The following PPIL1 variants were observed in gnomAD, a reference collection of about 807,000 sequenced individuals.
PPIL1 encodes peptidyl-prolyl cis-trans isomerase-like 1.
In PPIL1, 14 loss-of-function variants were observed where a neutral mutation model predicts 19.4. That is an observed-to-expected ratio of 0.72 (90% CI 0.48 to 1.13). The LOEUF (loss-of-function observed/expected upper bound fraction) is 1.13, where lower values mean the gene tolerates loss of function less well. PPIL1 is among the 50% of genes most tolerant of loss of function. PPIL1 has a pLI of 0.00. For synonymous variants in PPIL1, 72 were observed against 73.6 expected, an observed-to-expected ratio of 0.98 and a Z score of 0.11; for missense variants, 192 against 218.0, an observed-to-expected ratio of 0.88 and a Z score of 0.75.
At chr6:36,865,094 C>T (rs1267863050) in intron 2 of PPIL1, among the ~76,000 whole-genome samples, 1 of 152,182 alleles carries the variant, frequency 6.6e-6, no homozygotes, top group Non-Finnish European at 1.5e-5. Context: ...AGGAGGTGCA[C>T]GTAACCACAC....
chr6:36,854,865 T>C lies in PPIL1; in HGVS notation c.*948A>G, dbSNP rs1774136423. ...AATGGCATTTTATTGTGGAAGTTTCTATGTATTACATAGGTATTAACTTCC... is the reference window on the plus strand; with the variant it reads ...AATGGCATTTTATTGTGGAAGTTTCCATGTATTACATAGGTATTAACTTCC... On this transcript the variant is annotated 3_prime_UTR_variant, in exon 4 of 4. Coordinates refer to ENST00000373699, the MANE Select transcript of PPIL1 (RefSeq NM_016059.5). 1 of 152,694 alleles carries C rather than the reference T, an allele frequency of 6.5e-6. No homozygotes were observed. Among genetic ancestry groups the C allele is most frequent in the South Asian group, 2.1e-4 (1 of 4,830 alleles). The allele number at this position is 152,694 out of a possible 1,614,324, so 9.5% of individuals were successfully genotyped here. A position where few individuals can be genotyped will look rare whatever the true frequency, so the allele number is the denominator to read the frequency against.
At chr6:36,858,885 G>A (rs1330835740) in intron 2 of PPIL1, among the ~76,000 whole-genome samples, 1 of 152,172 alleles carries the variant, frequency 6.6e-6, no homozygotes, top group African/African-American at 2.4e-5. Flanking sequence ...GGGGTTACCA[G>A]AGACTAGGGA....
chr6:36,872,186 C>G (rs1211480820), intron 1 of PPIL1, among the ~76,000 whole-genome samples: 3 of 151,384 alleles, frequency 2.0e-5, no homozygotes, highest in Admixed American at 6.6e-5. Context: ...TTATCTGAAA[C>G]CAATATAACC....
chr6:36,865,177 A>C (rs1057311534), intron 2 of PPIL1, among the ~76,000 whole-genome samples: 1 of 152,186 alleles, frequency 6.6e-6, no homozygotes, highest in African/African-American at 2.4e-5. Flanking sequence ...GTGAAGCACA[A>C]GGCAAGCCCA....
chr6:36,861,210 C>T (rs187660237), intron 2 of PPIL1, among the ~76,000 whole-genome samples: 91 of 152,184 alleles, frequency 6.0e-4, no homozygotes, highest in African/African-American at 2.2e-3. Flanking sequence ...TGCACCCCAC[C>T]CCGCAGCACT....
At chr6:36,859,424 C>CAA (rs36097489) in intron 2 of PPIL1, among the ~76,000 whole-genome samples, 1,123 of 72,046 alleles carry the variant, frequency 0.016, 23 homozygotes, top group African/African-American at 0.033. Context: ...GACCCTGTCT[C>CAA]AAAAAAAAAA....
At chr6:36,867,813 C>T (rs1486016317) in intron 2 of PPIL1, among the ~76,000 whole-genome samples, 4 of 152,314 alleles carry the variant, frequency 2.6e-5, no homozygotes, top group South Asian at 4.1e-4. Flanking sequence ...CCTCTTCAGG[C>T]TAGAATAGAA....
At chr6:36,866,798 C>T (rs1003779421) in intron 2 of PPIL1, among the ~76,000 whole-genome samples, 8 of 151,972 alleles carry the variant, frequency 5.3e-5, no homozygotes, top group Non-Finnish European at 1.2e-4. Context: ...CCGACGGAAC[C>T]CTTTCAGACA....
At chr6:36,870,887 G>A (rs1274393328) in intron 2 of PPIL1, among the ~76,000 whole-genome samples, 1 of 152,210 alleles carries the variant, frequency 6.6e-6, no homozygotes, top group African/African-American at 2.4e-5. Flanking sequence ...GGCTCCCAAA[G>A]TGCTGGGATT....
At chr6:36,865,895 C>T (rs1774385229) in intron 2 of PPIL1, among the ~76,000 whole-genome samples, 2 of 152,214 alleles carry the variant, frequency 1.3e-5, no homozygotes, top group African/African-American at 2.4e-5. Context: ...TTGGCAAATA[C>T]TCATCAAATG....
chr6:36,873,097 C>CT (rs1223583622), intron 1 of PPIL1, among the ~76,000 whole-genome samples: 1 of 152,204 alleles, frequency 6.6e-6, no homozygotes, highest in Non-Finnish European at 1.5e-5. Flanking sequence ...GTGTGGTACT[C>CT]TTTCCCTCAT....
Position 36,874,736 on chromosome 6 carries a change from TG to T in PPIL1, c.36del (p.Asn13ThrfsTer49). On this transcript the variant is annotated frameshift_variant, in exon 1 of 4. Coordinates refer to ENST00000373699, the MANE Select transcript of PPIL1 (RefSeq NM_016059.5). LOFTEE classifies it high-confidence loss of function. ...CCTCACCTGGTCTCCAAGTAAACGT[TG>T]GGTGGCTGCCAGGAATCTGGGGGAA... ...AAIPPDSWQPPNVYLETSMGI... is the reference protein window; with the variant it reads ...AAIPPDSWQPXNVYLETSMGI... 1 of 1,614,092 alleles carries T rather than the reference TG, an allele frequency of 6.2e-7. No individual in the cohort carries two copies. The highest frequency in any genetic ancestry group is 8.5e-7 in the Non-Finnish European group (1 of 1,179,954).
At chr6:36,858,131 G>C (rs1001053334) in intron 2 of PPIL1, among the ~76,000 whole-genome samples, 1 of 150,914 alleles carries the variant, frequency 6.6e-6, no homozygotes, top group South Asian at 2.1e-4. Context: ...CTACTTGGGA[G>C]GCTGAGGCAG....
intron 2 of PPIL1, among the ~76,000 whole-genome samples, chr6:36,860,317 G>A (rs187165408): frequency 1.6e-3 from 247 of 152,150 alleles, no homozygotes; most frequent in African/African-American, 5.4e-3. Flanking sequence ...TTAGCCAGGC[G>A]TGGTTGTGCG....
rs1292280348 is a variant in PPIL1, at chr6:36,855,729, T to A, written c.*84A>T. 3.6e-6 allele frequency: 5 copies of A among 1,377,976 alleles called. No homozygotes were observed. The African/African-American group carries it at 7.2e-5, about 20-fold the overall frequency. The allele number at this position is 1,377,976 out of a possible 1,614,324, so 85.4% of individuals were successfully genotyped here. A position where few individuals can be genotyped will look rare whatever the true frequency, so the allele number is the denominator to read the frequency against. ...TCATGACTTGCAAAGCCAAAATGAA[T>A]TTAGCATTACATGTCATTCTATGTC... On this transcript the variant is annotated 3_prime_UTR_variant, in exon 4 of 4. Coordinates refer to ENST00000373699, the MANE Select transcript of PPIL1 (RefSeq NM_016059.5).
At chr6:36,861,336 A>G (rs1774283659) in intron 2 of PPIL1, among the ~76,000 whole-genome samples, 1 of 152,112 alleles carries the variant, frequency 6.6e-6, no homozygotes, top group Non-Finnish European at 1.5e-5. Flanking sequence ...TGGCTTATTT[A>G]GCTTGTCCCC....
intron 1 of PPIL1, among the ~76,000 whole-genome samples, chr6:36,873,265 T>C (rs1408416760): frequency 6.6e-6 from 1 of 152,118 alleles, no homozygotes; most frequent in Non-Finnish European, 1.5e-5. Flanking sequence ...AAGGATACAA[T>C]ATGTGCAAGG....
chr6:36,865,538 C>T (rs1399905929), intron 2 of PPIL1, among the ~76,000 whole-genome samples: 1 of 152,180 alleles, frequency 6.6e-6, no homozygotes, highest in African/African-American at 2.4e-5. Flanking sequence ...CCTACCCCTG[C>T]ATGCCTCTGT....
intron 2 of PPIL1, among the ~76,000 whole-genome samples, chr6:36,865,509 G>A (rs997377181): frequency 6.6e-6 from 1 of 152,134 alleles, no homozygotes; most frequent in African/African-American, 2.4e-5. Context: ...ATGTGACACC[G>A]GGGGTGGCGG....
Sources: gnomAD v4.1 joint callset for allele counts (sites outside exome capture counted in the v4.1 genomes callset) on GRCh38, gnomAD v4.1.1 for gene constraint, MANE v1.5 for transcripts, NCBI Gene and HGNC (gene_info 2026-07-23, HGNC 2026-07-21) for gene names.